The following GPHN variants were observed in gnomAD, a reference collection of about 807,000 sequenced individuals.
GPHN encodes the protein gephyrin.
In GPHN, 17 loss-of-function variants were observed where a neutral mutation model predicts 95.5. The ratio of observed to expected loss-of-function variants is 0.18; its 90% CI spans 0.12 to 0.27. The LOEUF (loss-of-function observed/expected upper bound fraction) is 0.27, where lower values mean the gene tolerates loss of function less well. Among genes scored for constraint, GPHN ranks in the 10% least tolerant of loss-of-function variants. The pLI is 1.00. For synonymous variants in GPHN, 320 were observed against 322.5 expected, an observed-to-expected ratio of 0.99 and a Z score of 0.08; for missense variants, 660 against 978.1, an observed-to-expected ratio of 0.67 and a Z score of 4.34.
chr14:67,657,553 G>A, the GPHN span, among the ~76,000 whole-genome samples: 1 of 151,850 alleles, frequency 6.6e-6, no homozygotes, highest in East Asian at 1.9e-4. Context: ...TGACAGAAAC[G>A]GAGGCAGCTC....
rs1274161226 is a variant in GPHN, at chr14:66,629,160, TGTATATAA to T, written c.65-51946_65-51939del. Among the ~76,000 whole-genome samples, 31 of 107,468 alleles carry T rather than the reference TGTATATAA, an allele frequency of 2.9e-4. 1 individual carries two copies. The South Asian group carries it at 3.0e-3, about 11-fold the overall frequency. The allele number at this position is 107,468 out of a possible 152,430, so 70.5% of individuals were successfully genotyped here. On this transcript the variant is annotated intron_variant, in intron 1 of 22. Coordinates refer to ENST00000478722, the MANE Select transcript of GPHN (RefSeq NM_020806.5). ...ATATATTTATATACATATATAAATA[TGTATATAA>T]ATATATATATACATATATAAATATG...
rs796885403 is a variant in GPHN, at chr14:66,622,685, T to C, written c.65-58422T>C. ...TCAAGTTCAAAGTTCCACAGATCTCTGGGGCAGGGGCAAAAAGCTGCCAGT... is the reference window on the plus strand; with the variant it reads ...TCAAGTTCAAAGTTCCACAGATCTCCGGGGCAGGGGCAAAAAGCTGCCAGT... On this transcript the variant is annotated intron_variant, in intron 1 of 22. Coordinates refer to ENST00000478722, the MANE Select transcript of GPHN (RefSeq NM_020806.5). 5.9e-5 allele frequency among the ~76,000 whole-genome samples: 9 copies of C among 152,266 alleles called. 1 individual carries two copies. The highest frequency in any genetic ancestry group is 2.2e-4 in the African/African-American group (9 of 41,568).
intron 11 of GPHN, among the ~76,000 whole-genome samples, chr14:67,078,176 G>T (rs1595051596): frequency 1.3e-5 from 2 of 152,272 alleles, no homozygotes; most frequent in Admixed American, 1.3e-4. Context: ...AGCAGTCTGT[G>T]AAAAGCTGCA....
At chr14:67,334,954 G>A in the GPHN span, 1 of 152,232 alleles carries the variant, frequency 6.6e-6, no homozygotes, top group Non-Finnish European at 1.5e-5. Flanking sequence ...TTCATGTTAA[G>A]TTAGAGTGAG....
chr14:66,665,193 C>A (rs533165331), intron 1 of GPHN, among the ~76,000 whole-genome samples: 1 of 152,080 alleles, frequency 6.6e-6, no homozygotes. Flanking sequence ...AAGAAAACTT[C>A]AGGCCAATAT....
intron 2 of GPHN, among the ~76,000 whole-genome samples, chr14:66,745,476 C>A (rs1052193641): frequency 3.3e-5 from 5 of 151,938 alleles, no homozygotes; most frequent in Admixed American, 2.0e-4. Flanking sequence ...TTTTAGATTT[C>A]TCCAATTATC....
rs1555444719 is a variant in GPHN, at chr14:66,932,457, T to TTG, written c.828+8166_828+8167insGT. On this transcript the variant is annotated intron_variant, in intron 8 of 22. Coordinates refer to ENST00000478722, the MANE Select transcript of GPHN (RefSeq NM_020806.5). ...TGCCAAGACCAGGTTTTTTTTTTTT[T>TTG]TTTTTTTTTTTTTTTTTTTTTTTCA... Among the ~76,000 whole-genome samples the TTG allele has an allele frequency of 1.6e-3, 197 of 124,258 alleles. 11 individuals are homozygous for TTG. The highest frequency in any genetic ancestry group is 3.8e-3 in the Middle Eastern group (1 of 266). The allele number at this position is 124,258 out of a possible 152,430, so 81.5% of individuals were successfully genotyped here.
intron 10 of GPHN, among the ~76,000 whole-genome samples, chr14:67,045,316 T>G (rs1037760756): frequency 3.9e-5 from 6 of 152,216 alleles, no homozygotes; most frequent in African/African-American, 9.6e-5. Context: ...CAGAAGTTGT[T>G]TCAGCTTTTT....
chr14:67,013,545 T>C (rs777461479), intron 9 of GPHN, among the ~76,000 whole-genome samples: 1 of 152,226 alleles, frequency 6.6e-6, no homozygotes, highest in African/African-American at 2.4e-5. Context: ...GCTGTAATAC[T>C]AGGCATCAGA....
At chr14:66,950,966 C>T (rs2068068375) in intron 8 of GPHN, among the ~76,000 whole-genome samples, 1 of 152,008 alleles carries the variant, frequency 6.6e-6, no homozygotes, top group East Asian at 2.0e-4. Context: ...CTCTTGTTGC[C>T]CAGGCTAGAG....
chr14:67,090,609 A>G (rs1263375236), intron 12 of GPHN, among the ~76,000 whole-genome samples: 8 of 152,114 alleles, frequency 5.3e-5, no homozygotes, highest in Non-Finnish European at 1.2e-4. Context: ...TCTGGTCCCA[A>G]GCATTTCATA....
At chr14:67,222,511 A>G in the GPHN span, among the ~76,000 whole-genome samples, 16 of 152,280 alleles carry the variant, frequency 1.1e-4, no homozygotes, top group Middle Eastern at 6.8e-3. Flanking sequence ...CCTGATGTCC[A>G]GTGATCTGCC....
chr14:67,000,392 A>G lies in GPHN; in HGVS notation c.964-23241A>G, dbSNP rs528796812. 2.0e-5 allele frequency among the ~76,000 whole-genome samples: 3 copies of G among 151,840 alleles called. No individual in the cohort carries two copies. The South Asian group carries it at 6.2e-4, about 31-fold the overall frequency. On this transcript the variant is annotated intron_variant, in intron 9 of 22. Transcript: ENST00000478722. ...CATTTTTTAAACACCACAGAACCACAAACTGTTTAAACTGGAAGAAACTGT... is the reference window on the plus strand; with the variant it reads ...CATTTTTTAAACACCACAGAACCACGAACTGTTTAAACTGGAAGAAACTGT...
intron 9 of GPHN, among the ~76,000 whole-genome samples, chr14:66,997,124 G>T (rs1357616368): frequency 1.3e-5 from 2 of 152,114 alleles, no homozygotes; most frequent in African/African-American, 4.8e-5. Context: ...CCAGCACTTT[G>T]TGAGGCCGAG....
chr14:67,417,839 G>C, the GPHN span, among the ~76,000 whole-genome samples: 3 of 152,126 alleles, frequency 2.0e-5, no homozygotes, highest in Non-Finnish European at 4.4e-5. Flanking sequence ...AGCCTCCCAG[G>C]CTTAAGCAAT....
At chr14:67,583,620 C>A in the GPHN span, 1 of 667,290 alleles carries the variant, frequency 1.5e-6, no homozygotes, top group Non-Finnish European at 2.4e-6. Context: ...GTATTTTTCA[C>A]AACCACTCGC....
At chr14:67,373,764 CAAG>C in the GPHN span, among the ~76,000 whole-genome samples, 1 of 151,930 alleles carries the variant, frequency 6.6e-6, no homozygotes, top group East Asian at 1.9e-4. Context: ...TGTGAGGGTT[CAAG>C]AAGATGTTTA....
intron 9 of GPHN, among the ~76,000 whole-genome samples, chr14:67,006,599 G>A (rs1025216570): frequency 1.2e-4 from 19 of 152,274 alleles, no homozygotes; most frequent in East Asian, 5.8e-4. Flanking sequence ...TACTGAAGCT[G>A]TAGATTAATG....
chr14:67,479,313 G>A, the GPHN span, among the ~76,000 whole-genome samples: 5 of 151,374 alleles, frequency 3.3e-5, no homozygotes, highest in South Asian at 2.1e-4. Flanking sequence ...GGCTGAGGCA[G>A]AAGAATTGCT....
Sources: allele counts gnomAD v4.1 joint callset (sites outside exome capture counted in the v4.1 genomes callset), GRCh38; gene constraint gnomAD v4.1.1; transcripts MANE v1.5; gene names NCBI Gene and HGNC (gene_info 2026-07-23, HGNC 2026-07-21).